Variants in ARID4A observed in about 807,000 individuals in gnomAD.
The protein encoded by ARID4A is AT-rich interaction domain 4A.
A neutral mutation model predicts 148.6 loss-of-function variants in ARID4A; 39 were observed. The ratio of observed to expected loss-of-function variants is 0.26; its 90% CI spans 0.20 to 0.34. The LOEUF (loss-of-function observed/expected upper bound fraction) is 0.34. ARID4A is among the 10% of genes least tolerant of loss of function. The pLI is 1.00. For synonymous variants in ARID4A, 475 were observed against 481.2 expected (o/e 0.99, Z 0.17); for missense variants, 1,265 against 1,449.1 (o/e 0.87, Z 2.06).
chr14:58,322,769 C>T (rs1466616250), intron 7 of ARID4A, among the ~76,000 whole-genome samples: 1 of 151,660 alleles, frequency 6.6e-6, no homozygotes, highest in Non-Finnish European at 1.5e-5. Context: ...CAAGACCAGC[C>T]TGGCCAACAT....
At chr14:58,361,186 A>G (rs2035119227) in intron 19 of ARID4A, 144 bp downstream of exon 19, 1 of 1,318,464 alleles carries the variant, frequency 7.6e-7, no homozygotes, top group Non-Finnish European at 1.0e-6. Flanking sequence ...TATTCACAGT[A>G]CAGGTTGAGT....
intron 15 of ARID4A, among the ~76,000 whole-genome samples, chr14:58,348,535 T>C (rs2034483459): frequency 6.6e-6 from 1 of 152,238 alleles, no homozygotes; most frequent in African/African-American, 2.4e-5. Context: ...CTTCCAACTT[T>C]GCTCCTTCTT....
intron 5 of ARID4A, among the ~76,000 whole-genome samples, chr14:58,313,036 GTGTT>G (rs1282658137): frequency 1.3e-5 from 2 of 152,206 alleles, no homozygotes; most frequent in African/African-American, 2.4e-5. Flanking sequence ...TAGGATTTGT[GTGTT>G]TGTTTGCATT....
At chr14:58,316,630 G>C (rs1488449068) in intron 5 of ARID4A, among the ~76,000 whole-genome samples, 2 of 152,096 alleles carry the variant, frequency 1.3e-5, no homozygotes, top group African/African-American at 4.8e-5. Flanking sequence ...GTCCAGGCTG[G>C]AGTGCAATGG....
chr14:58,327,193 T>C (rs537944508), intron 8 of ARID4A, among the ~76,000 whole-genome samples: 58 of 152,304 alleles, frequency 3.8e-4, no homozygotes, highest in African/African-American at 1.3e-3. Flanking sequence ...ACATTTCAAG[T>C]GTTTAGCACC....
At chr14:58,367,501 G>A (rs2035408175) in intron 23 of ARID4A, among the ~76,000 whole-genome samples, 1 of 152,256 alleles carries the variant, frequency 6.6e-6, no homozygotes, top group South Asian at 2.1e-4. Flanking sequence ...ACTCTGCCAG[G>A]TGGCGGAAGT....
chr14:58,322,980 A>AAAAATAT (rs1255021613), intron 7 of ARID4A, among the ~76,000 whole-genome samples: 20 of 114,272 alleles, frequency 1.8e-4, no homozygotes, highest in East Asian at 4.8e-4. Context: ...AAAAAAAAAA[A>AAAAATAT]ATATATATAT....
intron 5 of ARID4A, among the ~76,000 whole-genome samples, chr14:58,318,173 T>G (rs767824391): frequency 6.6e-6 from 1 of 152,164 alleles, no homozygotes; most frequent in Non-Finnish European, 1.5e-5. Context: ...TATTAAACTT[T>G]TGTGGAAAAA....
intron 15 of ARID4A, among the ~76,000 whole-genome samples, chr14:58,349,156 C>T (rs1343042996): frequency 6.6e-6 from 1 of 152,140 alleles, no homozygotes; most frequent in Non-Finnish European, 1.5e-5. Context: ...GTCTGTAAGA[C>T]ATTATGTTGT....
chr14:58,336,135 C>A (rs951775542), intron 11 of ARID4A, among the ~76,000 whole-genome samples: 3 of 151,844 alleles, frequency 2.0e-5, no homozygotes, highest in Non-Finnish European at 4.4e-5. Flanking sequence ...TAAAGCATAT[C>A]GCGTAATACT....
chr14:58,321,920 A>T (rs1444184941), intron 7 of ARID4A, among the ~76,000 whole-genome samples: 2 of 151,558 alleles, frequency 1.3e-5, no homozygotes, highest in Admixed American at 6.6e-5. Flanking sequence ...TTTGTATTAG[A>T]TAATGTATAG....
rs949314737 is a variant in ARID4A at position 58,306,006 on chromosome 14, G to A, written c.184-16G>A. On this transcript the variant is annotated splice_polypyrimidine_tract_variant and intron_variant, in intron 4 of 23. Transcript: ENST00000355431. The stretch of plus-strand genomic sequence containing the variant: ...TTGTTTAAATTTGGTAAGGAAATTG[G>A]GATTTCACATTTTAGGTTGGAGCTA... 1 of 1,602,024 alleles carries A rather than the reference G, an allele frequency of 6.2e-7. No individual in the cohort carries two copies. Among genetic ancestry groups the A allele is most frequent in the Non-Finnish European group, 8.6e-7 (1 of 1,169,492 alleles).
Position 58,347,882 on chromosome 14 carries a change from A to G in ARID4A, c.1404+4A>G. The stretch of plus-strand genomic sequence containing the variant: ...GATAGAATTAAAATCTCCGAGGGTG[A>G]GTTCTTAATACTAGTTTTATCTGGT... On this transcript the variant is annotated splice_donor_region_variant and intron_variant, in intron 15 of 23. Coordinates refer to ENST00000355431, the MANE Select transcript of ARID4A (RefSeq NM_002892.4). 6.3e-7 allele frequency: 1 copy of G among 1,586,224 alleles called. No individual in the cohort carries two copies. Among genetic ancestry groups the G allele is most frequent in the Non-Finnish European group, 8.6e-7 (1 of 1,161,164 alleles).
chr14:58,329,516 C>T lies in ARID4A; in HGVS notation c.663-12C>T. The T allele has an allele frequency of 6.4e-7, 1 of 1,554,594 alleles. No homozygotes were observed. On this transcript the variant is annotated splice_polypyrimidine_tract_variant and intron_variant, in intron 9 of 23. Transcript: ENST00000355431. The stretch of plus-strand genomic sequence containing the variant: ...AATAAATTGTTTTCCTCCCCTTCTT[C>T]TTGATAATTAGTTACTCTATAGCAA...
intron 16 of ARID4A, chr14:58,351,732 G>C (rs1222074277): frequency 1.3e-5 from 2 of 155,206 alleles, no homozygotes; most frequent in East Asian, 3.6e-4. Flanking sequence ...AGATGTTTCT[G>C]TGTGTTAGCT....
Position 58,347,826 on chromosome 14 carries a change from T to C in ARID4A, c.1352T>C (p.Ile451Thr), listed in dbSNP as rs771443891. 8 of 1,613,710 alleles carry C rather than the reference T, an allele frequency of 5.0e-6. No individual in the cohort carries two copies. Among genetic ancestry groups the C allele is most frequent in the South Asian group, 3.3e-5 (3 of 91,062 alleles). ...TEVKSEPEEN[I>T]DSNSESEREE... ...GTGAAGAGTGAACCTGAGGAAAATA[T>C]CGATTCAAACAGTGAAAGTGAAAGA... Residue 451 changes from isoleucine (I) to threonine (T), a missense_variant, in exon 15 of 24, where the codon ATC (isoleucine) becomes ACC (threonine). Transcript: ENST00000355431.
At chr14:58,309,054 T>C (rs1327982862) in intron 5 of ARID4A, among the ~76,000 whole-genome samples, 2 of 152,210 alleles carry the variant, frequency 1.3e-5, no homozygotes, top group Non-Finnish European at 2.9e-5. Flanking sequence ...AGATTATGGA[T>C]ATAGTATGAC....
In ARID4A at chr14:58,372,446, G is replaced by GT. The variant is rs893013850; in HGVS notation, c.*465dup. Reference sequence around the variant, plus strand: ...TTATGTTGTGTTTTTTTTCATTATCGTTTTTTTTATTTTTGTGGAAGCACT... The same window carrying GT: ...TTATGTTGTGTTTTTTTTCATTATCGTTTTTTTTTATTTTTGTGGAAGCACT... On this transcript the variant is annotated 3_prime_UTR_variant, in exon 24 of 24. Transcript: ENST00000355431. 1.2e-4 allele frequency: 28 copies of GT among 228,430 alleles called. No individual in the cohort carries two copies. Among genetic ancestry groups the GT allele is most frequent in the South Asian group, 3.6e-4 (2 of 5,610 alleles). The allele number at this position is 228,430 out of a possible 1,614,324, so 14.2% of individuals were successfully genotyped here.
In ARID4A at chr14:58,364,677, C is replaced by T; in HGVS notation, c.2588C>T (p.Ser863Leu). 3 of 1,613,754 alleles carry T rather than the reference C, an allele frequency of 1.9e-6. No homozygotes were observed. The highest frequency in any genetic ancestry group is 2.5e-6 in the Non-Finnish European group (3 of 1,179,918). Residue 863 changes from serine (S) to leucine (L), a missense_variant, in exon 20 of 24, where the codon TCA (serine) becomes TTA (leucine). Coordinates refer to ENST00000355431, the MANE Select transcript of ARID4A (RefSeq NM_002892.4). Reference protein sequence around the residue: ...KKLKRKILGQSSPEKKIRIEN... With the variant: ...KKLKRKILGQLSPEKKIRIEN... ...TTGAAACGGAAAATACTAGGACAAT[C>T]ATCGCCAGAGAAAAAAATAAGAATT...
Sources: gnomAD v4.1 joint callset for allele counts (sites outside exome capture counted in the v4.1 genomes callset) on GRCh38, gnomAD v4.1.1 for gene constraint, MANE v1.5 for transcripts, NCBI Gene and HGNC (gene_info 2026-07-23, HGNC 2026-07-21) for gene names.